Variants in TMEM221 observed in about 807,000 individuals in gnomAD.
The protein encoded by TMEM221 is Putative transmembrane protein ENSP00000342162.
Under a neutral mutation model 10.2 loss-of-function variants are expected in TMEM221, and 11 were observed. That is an observed-to-expected ratio of 1.08 (90% CI 0.68 to 1.79). TMEM221 has a LOEUF of 1.79. Ranked by LOEUF, TMEM221 falls within the 40% of genes most tolerant of loss-of-function variation. TMEM221 has a pLI of 0.00. For synonymous variants in TMEM221, 172 were observed against 199.8 expected, an observed-to-expected ratio of 0.86 and a Z score of 1.18; for missense variants, 382 against 417.7, an observed-to-expected ratio of 0.91 and a Z score of 0.75.
At chr19:17,441,083 C>T (rs897802152) in intron 2 of TMEM221, among the ~76,000 whole-genome samples, 11 of 151,948 alleles carry the variant, frequency 7.2e-5, no homozygotes, top group African/African-American at 2.7e-4. Context: ...TGGTGGGCTC[C>T]TGTAATCCCA....
Position 17,448,299 on chromosome 19 carries a change from G to GCGCCCAGCTCCT in TMEM221, c.152_163dup (p.Gly54_Ala55insGluGluLeuGly). ...CGCGTCCTCTGGCAGCCCGGGGCCG[G>GCGCCCAGCTCCT]CGCCCAGCTCCTGGCCCAGCCCCTC... On this transcript the variant is annotated inframe_insertion, in exon 1 of 3. Coordinates refer to ENST00000341130, the MANE Select transcript of TMEM221 (RefSeq NM_001190844.2). This position sits in a 1 kb window ranked among gnomAD's most constrained non-coding sequence, Gnocchi z 4.7. 4 of 1,215,752 alleles carry GCGCCCAGCTCCT rather than the reference G, an allele frequency of 3.3e-6. No individual in the cohort carries two copies. The highest frequency in any genetic ancestry group is 4.1e-6 in the Non-Finnish European group (4 of 978,614). 75.3% of individuals were successfully genotyped at this position (1,215,752 alleles called of 1,614,324 possible).
chr19:17,443,712 T>G lies in TMEM221; in HGVS notation c.406+1487A>C, dbSNP rs571780261. On this transcript the variant is annotated intron_variant, in intron 2 of 2. Coordinates refer to ENST00000341130, the MANE Select transcript of TMEM221 (RefSeq NM_001190844.2). ...CAGTAATAGCAAATCCTGTTTTTCA[T>G]TCAGTAGGATATTTTTTCTTCCTGT... 1.3e-4 allele frequency among the ~76,000 whole-genome samples: 20 copies of G among 152,260 alleles called. No individual in the cohort carries two copies. In the South Asian group the frequency reaches 3.9e-3, roughly 30 times the overall value.
At chr19:17,437,077 C>T (rs185531316) in intron 2 of TMEM221, 150 bp from the exon 3 acceptor site, 6 of 534,974 alleles carry the variant, frequency 1.1e-5, no homozygotes, top group East Asian at 6.6e-5. Flanking sequence ...ACATCCCACT[C>T]GTGCATCATC....
chr19:17,446,822 C>T (rs2074954871), intron 1 of TMEM221, among the ~76,000 whole-genome samples: 1 of 152,116 alleles, frequency 6.6e-6, no homozygotes, highest in African/African-American at 2.4e-5. Context: ...GCCTTGACCT[C>T]CTGGGCTCAA....
At chr19:17,444,190 C>G (rs1311622597) in intron 2 of TMEM221, among the ~76,000 whole-genome samples, 7 of 150,558 alleles carry the variant, frequency 4.6e-5, no homozygotes, top group Non-Finnish European at 8.9e-5. Flanking sequence ...AAGTGATTCC[C>G]CTGCCTCAGC....
In TMEM221 at chr19:17,441,064, T is replaced by C. The variant is rs545987631; in HGVS notation, c.406+4135A>G. ...CTCTGCTAAAAATACAAAAATTAGCTGGGCGTGCTGGTGGGCTCCTGTAAT... is the reference window on the plus strand; with the variant it reads ...CTCTGCTAAAAATACAAAAATTAGCCGGGCGTGCTGGTGGGCTCCTGTAAT... On this transcript the variant is annotated intron_variant, in intron 2 of 2. Coordinates refer to ENST00000341130, the MANE Select transcript of TMEM221 (RefSeq NM_001190844.2). Among the ~76,000 whole-genome samples the C allele has an allele frequency of 1.3e-4, 20 of 151,908 alleles. No homozygotes were observed. In the East Asian group the frequency reaches 2.5e-3, roughly 19 times the overall value.
At chr19:17,439,663 G>A (rs1568397162) in intron 2 of TMEM221, among the ~76,000 whole-genome samples, 1 of 151,446 alleles carries the variant, frequency 6.6e-6, no homozygotes, top group Non-Finnish European at 1.5e-5. Flanking sequence ...CCTCTACCCT[G>A]GGCAACAGAG....
chr19:17,442,322 A>G (rs2074934960), intron 2 of TMEM221, among the ~76,000 whole-genome samples: 1 of 151,886 alleles, frequency 6.6e-6, no homozygotes, highest in African/African-American at 2.4e-5. Flanking sequence ...CAATGGCACA[A>G]TCTCGGCTCA....
intron 2 of TMEM221, among the ~76,000 whole-genome samples, chr19:17,440,481 TC>T (rs1357622278): frequency 6.6e-6 from 1 of 152,090 alleles, no homozygotes; most frequent in East Asian, 1.9e-4. Context: ...CGCCTCGGTC[TC>T]CCAAAGTGCT....
At position 17,436,623 on chromosome 19, in the gene TMEM221, T is replaced by C. The variant is rs759322892; in HGVS notation, c.711A>G (p.Thr237=). The change falls in exon 3 of 3, where the codon ACA becomes ACG. Residue 237 remains threonine, a synonymous_variant. Transcript: ENST00000341130. ...AGCCTCCCTCCAGGGCTGCAGGTGC[T>C]GTGGCAGTGGCCATGGACCCAAAGG... ...GDPFGSMATA[T]APAALEGGWE... The C allele has an allele frequency of 6.5e-7, 1 of 1,536,004 alleles. No individual in the cohort carries two copies. The highest frequency in any genetic ancestry group is 8.7e-7 in the Non-Finnish European group (1 of 1,146,890).
At chr19:17,443,946 G>C (rs1047630931) in intron 2 of TMEM221, among the ~76,000 whole-genome samples, 1 of 149,296 alleles carries the variant, frequency 6.7e-6, no homozygotes, top group Non-Finnish European at 1.5e-5. Flanking sequence ...AGGAAGGAAG[G>C]ACAGTGTGAT....
chr19:17,438,527 GT>G (rs1421175831), intron 2 of TMEM221, among the ~76,000 whole-genome samples: 3 of 151,712 alleles, frequency 2.0e-5, no homozygotes, highest in Admixed American at 6.6e-5. Flanking sequence ...GTCCTACCGG[GT>G]TTTCTTCTAA....
chr19:17,445,508 A>G (rs1224434817), intron 1 of TMEM221, among the ~76,000 whole-genome samples: 2 of 152,230 alleles, frequency 1.3e-5, no homozygotes, highest in East Asian at 1.9e-4. Context: ...CCATCAGCTC[A>G]TGTATCCATC....
rs1354249201 is a variant in TMEM221, at chr19:17,436,666, C to T, written c.668G>A (p.Cys223Tyr). 2 of 1,535,662 alleles carry T rather than the reference C, an allele frequency of 1.3e-6. No homozygotes were observed. Among genetic ancestry groups the T allele is most frequent in the Admixed American group, 3.9e-5 (2 of 50,970 alleles). Residue 223 changes from cysteine to tyrosine, a missense_variant, in exon 3 of 3, where the codon TGT becomes TAT. Cys to Tyr is a radical substitution (Grantham distance 194). Coordinates refer to ENST00000341130, the MANE Select transcript of TMEM221 (RefSeq NM_001190844.2). ...GIHRRTPYST[C>Y]PEPGDPFGSM... ...CCCAAAGGGGTCCCCAGGCTCTGGA[C>T]AGGTTGAATAGGGGGTCCGACGATG...
intron 2 of TMEM221, among the ~76,000 whole-genome samples, chr19:17,439,993 A>C (rs937805468): frequency 2.0e-5 from 3 of 152,156 alleles, no homozygotes; most frequent in Non-Finnish European, 4.4e-5. Flanking sequence ...GTTCGACGCC[A>C]GCTCAGGTGA....
Position 17,436,322 on chromosome 19 carries a change from GGC to G in TMEM221, c.*134_*135del. The G allele has an allele frequency of 1.1e-6, 1 of 880,258 alleles. No individual in the cohort carries two copies. Among genetic ancestry groups the G allele is most frequent in the Non-Finnish European group, 1.6e-6 (1 of 610,928 alleles). The allele number at this position is 880,258 out of a possible 1,614,324, so 54.5% of individuals were successfully genotyped here. ...CTCTGGCAATTATTTTGTGCCACGA[GGC>G]AACCTTGAGGACAAAAGCCAAGGAT... is the stretch of plus-strand genomic sequence containing the variant. On this transcript the variant is annotated 3_prime_UTR_variant, in exon 3 of 3. Transcript: ENST00000341130.
Position 17,435,946 on chromosome 19 carries a change from T to C in TMEM221, c.*512A>G, listed in dbSNP as rs115549552. On this transcript the variant is annotated 3_prime_UTR_variant, in exon 3 of 3. Transcript: ENST00000341130. ...ACTTGCACATCAGCAGCATGGAGATTATGGGGTTCAGGTGAGAATCCTGGC... is the reference window on the plus strand; with the variant it reads ...ACTTGCACATCAGCAGCATGGAGATCATGGGGTTCAGGTGAGAATCCTGGC... The C allele has an allele frequency of 6.5e-6, 1 of 152,742 alleles. No homozygotes were observed. Among genetic ancestry groups the C allele is most frequent in the East Asian group, 1.9e-4 (1 of 5,190 alleles). The allele number at this position is 152,742 out of a possible 1,614,324, so 9.5% of individuals were successfully genotyped here. A position where few individuals can be genotyped will look rare whatever the true frequency, so the allele number is the denominator to read the frequency against.
chr19:17,445,894 TC>T (rs1300034204), intron 1 of TMEM221, among the ~76,000 whole-genome samples: 3 of 150,828 alleles, frequency 2.0e-5, no homozygotes, highest in African/African-American at 4.9e-5. Context: ...CACCCATTCA[TC>T]CATCCATACA....
At chr19:17,437,923 CTTT>C (rs71336612) in intron 2 of TMEM221, among the ~76,000 whole-genome samples, 2 of 85,040 alleles carry the variant, frequency 2.4e-5, no homozygotes, top group Non-Finnish European at 5.9e-5. Flanking sequence ...TCTTGTTCTT[CTTT>C]TTTTTTTTTT....
Sources: allele counts gnomAD v4.1 joint callset (sites outside exome capture counted in the v4.1 genomes callset), GRCh38; gene constraint gnomAD v4.1.1; non-coding constraint Gnocchi (gnomAD v3.1); transcripts MANE v1.5; gene names NCBI Gene and HGNC (gene_info 2026-07-23, HGNC 2026-07-21).